The following PLCB1 variants were observed in gnomAD, a reference collection of about 807,000 sequenced individuals.
The protein encoded by PLCB1 is 1-phosphatidylinositol 4,5-bisphosphate phosphodiesterase beta-1.
A neutral mutation model predicts 161.8 loss-of-function variants in PLCB1; 46 were observed. The ratio of observed to expected loss-of-function variants is 0.28; its 90% CI spans 0.22 to 0.36. PLCB1 has a LOEUF of 0.36. PLCB1 is among the 10% of genes least tolerant of loss of function. The probability of loss-of-function intolerance (pLI) is 1.00; values close to 1 mark genes in which losing one functional copy is unlikely to be tolerated. For synonymous variants in PLCB1, 517 were observed against 503.7 expected (o/e 1.03, Z -0.35); for missense variants, 1,016 against 1,472.5 (o/e 0.69, Z 5.07).
chr20:8,230,697 A>C (rs898466301), intron 2 of PLCB1, among the ~76,000 whole-genome samples: 1 of 152,050 alleles, frequency 6.6e-6, no homozygotes, highest in Non-Finnish European at 1.5e-5. Context: ...AAAGTTCAAA[A>C]ATTATTTTCC....
At chr20:8,377,027 T>C (rs1000832974) in intron 3 of PLCB1, among the ~76,000 whole-genome samples, 5 of 152,134 alleles carry the variant, frequency 3.3e-5, no homozygotes, top group African/African-American at 1.2e-4. Flanking sequence ...AATTTCAAGC[T>C]ACCAACCTGA....
At chr20:8,229,870 A>C (rs1488367882) in intron 2 of PLCB1, among the ~76,000 whole-genome samples, 1 of 137,236 alleles carries the variant, frequency 7.3e-6, no homozygotes, top group Admixed American at 7.0e-5. Context: ...AAATAAAATA[A>C]AATAAAATAA....
intron 3 of PLCB1, among the ~76,000 whole-genome samples, chr20:8,378,015 G>C (rs1310101589): frequency 6.6e-6 from 1 of 152,188 alleles, no homozygotes; most frequent in Non-Finnish European, 1.5e-5. Context: ...TTTAGACTTT[G>C]AGGAGACTTG....
chr20:8,663,197 C>T (rs1007263679), intron 9 of PLCB1, among the ~76,000 whole-genome samples: 1 of 151,474 alleles, frequency 6.6e-6, no homozygotes, highest in African/African-American at 2.4e-5. Context: ...CATATATATA[C>T]ACACAACATA....
rs145820624 is a variant in PLCB1 at position 8,673,113 on chromosome 20, A to AAAATAAAT, written c.863-11783_863-11776dup. Among the ~76,000 whole-genome samples the AAAATAAAT allele has an allele frequency of 7.1e-3, 1,039 of 146,890 alleles. 11 individuals carry two copies. The highest frequency in any genetic ancestry group is 0.019 in the Admixed American group (280 of 14,698). The stretch of plus-strand genomic sequence containing the variant: ...GGCGACAGAGCCAGAGTCCATCCCA[A>AAAATAAAT]AAATAAATAAATAAATAAATAAATA... On this transcript the variant is annotated intron_variant, in intron 9 of 31. Coordinates refer to ENST00000338037, the MANE Select transcript of PLCB1 (RefSeq NM_015192.4).
chr20:8,849,838 C>T (rs1338082423), intron 31 of PLCB1, among the ~76,000 whole-genome samples: 3 of 151,924 alleles, frequency 2.0e-5, no homozygotes, highest in African/African-American at 7.3e-5. Context: ...CATGGTGAAA[C>T]CTCATATCTA....
chr20:8,298,515 C>A (rs1028818366), intron 2 of PLCB1, among the ~76,000 whole-genome samples: 2 of 150,714 alleles, frequency 1.3e-5, no homozygotes, highest in South Asian at 4.2e-4. Context: ...AACTGACATG[C>A]TTTAAAGTAA....
At chr20:8,773,233 A>G (rs1982780202) in intron 26 of PLCB1, among the ~76,000 whole-genome samples, 1 of 152,230 alleles carries the variant, frequency 6.6e-6, no homozygotes, top group Non-Finnish European at 1.5e-5. Flanking sequence ...TACCTGGCCT[A>G]TCGGACCACA....
intron 27 of PLCB1, among the ~76,000 whole-genome samples, chr20:8,776,101 C>T (rs138057267): frequency 6.6e-6 from 1 of 152,242 alleles, no homozygotes; most frequent in East Asian, 1.9e-4. Context: ...AACTCATCCC[C>T]AGTAGTCCAG....
At chr20:8,739,537 T>G (rs569149966) in intron 21 of PLCB1, among the ~76,000 whole-genome samples, 177 bp downstream of exon 21, 18 of 152,344 alleles carry the variant, frequency 1.2e-4, no homozygotes, top group Admixed American at 2.6e-4. Flanking sequence ...TTAATGTTAG[T>G]CAACTCTTTC....
At chr20:8,555,185 G>T (rs1381149684) in intron 3 of PLCB1, among the ~76,000 whole-genome samples, 3 of 151,918 alleles carry the variant, frequency 2.0e-5, no homozygotes, top group Non-Finnish European at 4.4e-5. Context: ...ATGGGCCCTT[G>T]GGGCTCCCTA....
chr20:8,641,016 T>C (rs1422625060), intron 4 of PLCB1, among the ~76,000 whole-genome samples: 1 of 152,232 alleles, frequency 6.6e-6, no homozygotes, highest in Non-Finnish European at 1.5e-5. Flanking sequence ...AGGATACCAT[T>C]TAGAAGAATA....
chr20:8,516,472 A>T (rs769713993), intron 3 of PLCB1, among the ~76,000 whole-genome samples: 14 of 152,040 alleles, frequency 9.2e-5, no homozygotes, highest in Non-Finnish European at 1.6e-4. Flanking sequence ...GAAATGAGTG[A>T]TCATTTCAGA....
intron 3 of PLCB1, among the ~76,000 whole-genome samples, chr20:8,544,240 A>T (rs1985448736): frequency 6.6e-6 from 1 of 152,172 alleles, no homozygotes; most frequent in African/African-American, 2.4e-5. Context: ...TTGAAACCAA[A>T]TTTCTCTCTA....
chr20:8,733,263 G>A lies in PLCB1; in HGVS notation c.1914G>A (p.Gly638=), dbSNP rs982327395. Residue 638 remains glycine (G), a synonymous_variant, in exon 19 of 32, where the codon GGG becomes GGA. Coordinates refer to ENST00000338037, the MANE Select transcript of PLCB1 (RefSeq NM_015192.4). ...ACCTGGCTATGCAAATAAATATGGG[G>A]ATGTATGAATACAACGGGAAGAGTG... ...TMDLAMQINM[G]MYEYNGKSGY... 3 of 1,613,920 alleles carry A rather than the reference G, an allele frequency of 1.9e-6. No individual in the cohort carries two copies. Among genetic ancestry groups the A allele is most frequent in the African/African-American group, 1.3e-5 (1 of 74,990 alleles).
intron 10 of PLCB1, among the ~76,000 whole-genome samples, chr20:8,694,341 T>C (rs958005684): frequency 1.3e-5 from 2 of 152,238 alleles, no homozygotes; most frequent in Non-Finnish European, 2.9e-5. Context: ...ATAAAAAGTA[T>C]TCATTTTAAG....
intron 9 of PLCB1, among the ~76,000 whole-genome samples, chr20:8,677,050 G>C (rs183719838): frequency 6.6e-6 from 1 of 152,286 alleles, no homozygotes; most frequent in Non-Finnish European, 1.5e-5. Context: ...AAATCTTTTA[G>C]AGAGTAAAGC....
chr20:8,657,923 C>T (rs1989510262), intron 8 of PLCB1, among the ~76,000 whole-genome samples: 1 of 152,050 alleles, frequency 6.6e-6, no homozygotes, highest in South Asian at 2.1e-4. Flanking sequence ...GACAGGTAAA[C>T]AGTACTGCTG....
rs549978984 is a variant in PLCB1, at chr20:8,150,442, A to T, written c.177+71A>T. 146 of 643,428 alleles carry T rather than the reference A, an allele frequency of 2.3e-4. 2 individuals carry two copies. The South Asian group carries it at 3.4e-3, about 15-fold the overall frequency. The allele number at this position is 643,428 out of a possible 1,614,324, so 39.9% of individuals were successfully genotyped here. The stretch of plus-strand genomic sequence containing the variant: ...ACTTTGAAAAGTATTTATGTATCTT[A>T]TCTATAGAAGAACATCCATTTCACA... On this transcript the variant is annotated intron_variant, in intron 2 of 31. Transcript: ENST00000338037.
Sources: allele counts gnomAD v4.1 joint callset (sites outside exome capture counted in the v4.1 genomes callset), GRCh38; gene constraint gnomAD v4.1.1; transcripts MANE v1.5; gene names NCBI Gene and HGNC (gene_info 2026-07-23, HGNC 2026-07-21).